Variants in PACRGL observed in about 807,000 individuals in gnomAD.
The protein encoded by PACRGL is parkin coregulated like.
A neutral mutation model predicts 34.5 loss-of-function variants in PACRGL; 38 were observed. The ratio of observed to expected loss-of-function variants is 1.10; its 90% confidence interval spans 0.85 to 1.44. The LOEUF (loss-of-function observed/expected upper bound fraction) is 1.44. PACRGL is among the 40% of genes most tolerant of loss of function. The pLI is 0.00. For synonymous variants in PACRGL, 128 were observed against 100.1 expected, an observed-to-expected ratio of 1.28 and a Z score of -1.66; for missense variants, 305 against 281.4, an observed-to-expected ratio of 1.08 and a Z score of -0.60.
chr4:20,733,632 AAC>A (rs1351985481), downstream of PACRGL, among the ~76,000 whole-genome samples: 1 of 152,242 alleles, frequency 6.6e-6, no homozygotes, highest in Non-Finnish European at 1.5e-5. Context: ...AGATGTGTTA[AAC>A]ACAGAGGTAA....
the PACRGL span, among the ~76,000 whole-genome samples, chr4:20,760,231 C>T: frequency 1.3e-5 from 2 of 152,100 alleles, no homozygotes; most frequent in South Asian, 4.1e-4. Context: ...GTTGTCACAG[C>T]ACTCCCACGC....
At position 20,730,154 on chromosome 4, in the gene PACRGL, T is replaced by G. The variant is rs1747634140; in HGVS notation, c.*2813T>G. ...CCTGTAAGGGAGAAACACAGAGCGA[T>G]TAAATTCAGCATATCTGCAAGGAAA... On this transcript the variant is annotated 3_prime_UTR_variant, in exon 9 of 9. Coordinates refer to ENST00000503585, the MANE Select transcript of PACRGL (RefSeq NM_001258345.3). 1 of 1,591,518 alleles carries G rather than the reference T, an allele frequency of 6.3e-7. No individual in the cohort carries two copies. Among genetic ancestry groups the G allele is most frequent in the Non-Finnish European group, 8.5e-7 (1 of 1,170,366 alleles).
chr4:20,737,657 T>C (rs1261807375), intron 8 of PACRGL, among the ~76,000 whole-genome samples: 5 of 152,110 alleles, frequency 3.3e-5, no homozygotes, highest in African/African-American at 1.2e-4. Context: ...GAGGTAAGAA[T>C]CTGAGGTTTG....
intron 8 of PACRGL, among the ~76,000 whole-genome samples, chr4:20,743,352 C>T (rs1427833956): frequency 2.6e-5 from 4 of 152,204 alleles, no homozygotes; most frequent in Non-Finnish European, 5.9e-5. Flanking sequence ...AGACATCATG[C>T]TGCCTGACTT....
At chr4:20,710,055 TAATG>T (rs1251927626) in intron 5 of PACRGL, among the ~76,000 whole-genome samples, 1 of 152,190 alleles carries the variant, frequency 6.6e-6, no homozygotes, top group East Asian at 1.9e-4. Context: ...TGTGGACTCA[TAATG>T]AGGAGAGATT....
At position 20,704,343 on chromosome 4, in the gene PACRGL, A is replaced by G. The variant is rs74659290; in HGVS notation, c.-16-123A>G. The G allele has an allele frequency of 1.3e-3, 1,062 of 795,394 alleles. 7 individuals are homozygous for G. Among genetic ancestry groups the G allele is most frequent in the African/African-American group, 0.013 (757 of 57,264 alleles). 49.3% of individuals were successfully genotyped at this position (795,394 alleles called of 1,614,324 possible). On this transcript the variant is annotated intron_variant, in intron 1 of 8. Coordinates refer to ENST00000503585, the MANE Select transcript of PACRGL (RefSeq NM_001258345.3). ...TTAGTCTTTTCCAGTATTTTGCTCC[A>G]TATCAACTTTTTTGTGTGTCTTTTA... is the stretch of plus-strand genomic sequence containing the variant.
intron 3 of PACRGL, 51 bp downstream of exon 3, chr4:20,704,865 A>ACAGTATTGAACAATGCTGG: frequency 6.4e-7 from 1 of 1,572,890 alleles, no homozygotes; most frequent in Non-Finnish European, 8.7e-7. Flanking sequence ...GGCATTTCGC[A>ACAGTATTGAACAATGCTGG]CAGTATTGAA....
intron 7 of PACRGL, among the ~76,000 whole-genome samples, chr4:20,713,815 G>A (rs1046363168): frequency 6.6e-6 from 1 of 152,172 alleles, no homozygotes; most frequent in African/African-American, 2.4e-5. Flanking sequence ...TTTTGAGTGA[G>A]TTTCTTAATC....
At chr4:20,765,520 G>A in the PACRGL span, among the ~76,000 whole-genome samples, 1 of 152,090 alleles carries the variant, frequency 6.6e-6, no homozygotes, top group Non-Finnish European at 1.5e-5. Flanking sequence ...TGGTTTTAGT[G>A]TAACAAGAAC....
downstream of PACRGL, among the ~76,000 whole-genome samples, chr4:20,737,191 T>A (rs916512216): frequency 5.3e-5 from 8 of 152,152 alleles, no homozygotes; most frequent in Non-Finnish European, 2.9e-5. Flanking sequence ...TTCCAATATT[T>A]GGCAGGTACA....
chr4:20,714,957 A>G (rs1256301244), intron 7 of PACRGL, among the ~76,000 whole-genome samples: 3 of 152,318 alleles, frequency 2.0e-5, no homozygotes, highest in Admixed American at 6.5e-5. Context: ...TCATGCTGCT[A>G]TAAAGACACA....
In PACRGL at chr4:20,728,166, G is replaced by A. The variant is rs1746537656; in HGVS notation, c.*825G>A. The A allele has an allele frequency of 6.6e-6, 1 of 152,014 alleles. No homozygotes were observed. The highest frequency in any genetic ancestry group is 6.6e-5 in the Admixed American group (1 of 15,262). The allele number at this position is 152,014 out of a possible 1,614,324, so 9.4% of individuals were successfully genotyped here. A position where few individuals can be genotyped will look rare whatever the true frequency, so the allele number is the denominator to read the frequency against. The stretch of plus-strand genomic sequence containing the variant: ...CTTGGAAAATTTTCAGAGTATTCTA[G>A]TTTAAAAAATTTTTTCTAATTCTGT... On this transcript the variant is annotated 3_prime_UTR_variant, in exon 9 of 9. Coordinates refer to ENST00000503585, the MANE Select transcript of PACRGL (RefSeq NM_001258345.3).
At chr4:20,749,783 A>C in intron 8 of PACRGL, 3 of 1,268,606 alleles carry the variant, frequency 2.4e-6, no homozygotes, top group Non-Finnish European at 3.4e-6. Context: ...CATATCCTAC[A>C]TAAGACTTGG....
At position 20,727,489 on chromosome 4, in the gene PACRGL, T is replaced by A; in HGVS notation, c.*148T>A. On this transcript the variant is annotated 3_prime_UTR_variant, in exon 9 of 9. Transcript: ENST00000503585. ...TGAATAGACACTGAATCAAAGTTAT[T>A]CATCAACAAAAAAGAACAGTTACTA... 3 of 589,820 alleles carry A rather than the reference T, an allele frequency of 5.1e-6. No individual in the cohort carries two copies. Among genetic ancestry groups the A allele is most frequent in the African/African-American group, 1.9e-5 (1 of 53,596 alleles). The allele number at this position is 589,820 out of a possible 1,614,324, so 36.5% of individuals were successfully genotyped here. A position where few individuals can be genotyped will look rare whatever the true frequency, so the allele number is the denominator to read the frequency against.
chr4:20,747,525 G>C (rs1212500451), intron 8 of PACRGL, among the ~76,000 whole-genome samples: 8 of 152,084 alleles, frequency 5.3e-5, no homozygotes, highest in Non-Finnish European at 8.8e-5. Context: ...GTGGAGACTG[G>C]TACCCAGGAT....
At chr4:20,761,417 C>G in the PACRGL span, among the ~76,000 whole-genome samples, 2 of 152,260 alleles carry the variant, frequency 1.3e-5, no homozygotes, top group East Asian at 3.9e-4. Flanking sequence ...AACATTTTGA[C>G]TATCTATCTA....
rs549915329 is a variant in PACRGL at position 20,730,236 on chromosome 4, A to G, written c.*2895A>G. 6.5e-5 allele frequency: 87 copies of G among 1,345,124 alleles called. No homozygotes were observed. In the African/African-American group the frequency reaches 1.1e-3, roughly 17 times the overall value. The allele number at this position is 1,345,124 out of a possible 1,614,324, so 83.3% of individuals were successfully genotyped here. On this transcript the variant is annotated 3_prime_UTR_variant, in exon 9 of 9. Transcript: ENST00000503585. ...CTCCCATCAACCACCTCAACCACCTATGCCAAAAGCTCAAATATTAAGTGT... is the reference window on the plus strand; with the variant it reads ...CTCCCATCAACCACCTCAACCACCTGTGCCAAAAGCTCAAATATTAAGTGT...
At chr4:20,761,958 A>G in the PACRGL span, among the ~76,000 whole-genome samples, 4 of 152,176 alleles carry the variant, frequency 2.6e-5, no homozygotes, top group African/African-American at 9.7e-5. Flanking sequence ...AGGAACTGGG[A>G]CTGCTACAAT....
chr4:20,732,656 T>C (rs1253533156), downstream of PACRGL: 9 of 1,485,144 alleles, frequency 6.1e-6, no homozygotes, highest in African/African-American at 1.4e-5. Context: ...CTTCATGCCC[T>C]CTTGACTTCT....
Sources: allele counts gnomAD v4.1 joint callset (sites outside exome capture counted in the v4.1 genomes callset), GRCh38; gene constraint gnomAD v4.1.1; transcripts MANE v1.5; gene names NCBI Gene and HGNC (gene_info 2026-07-23, HGNC 2026-07-21).